PHF24: variants seen among roughly 807,000 people sequenced by gnomAD.
PHF24 encodes the protein Galpha inhibitory interacting protein.
Under a neutral mutation model 42.6 loss-of-function variants are expected in PHF24, and 25 were observed. The observed-to-expected ratio is 0.59, with a 90% CI of 0.43 to 0.82. PHF24 has a LOEUF of 0.82. PHF24 is among the 40% of genes least tolerant of loss of function. PHF24 has a pLI of 0.00. For missense variants in PHF24, 470 were observed against 538.1 expected, an observed-to-expected ratio of 0.87 and a Z score of 1.25; for synonymous variants, 185 against 204.8, an observed-to-expected ratio of 0.90 and a Z score of 0.83.
At chr9:34,735,591 G>T in the PHF24 span, among the ~76,000 whole-genome samples, 2 of 151,152 alleles carry the variant, frequency 1.3e-5, no homozygotes, top group African/African-American at 4.9e-5. Flanking sequence ...ATGAGGTCAG[G>T]AGTTCAAGAC....
At chr9:34,782,987 C>T in the PHF24 span, among the ~76,000 whole-genome samples, 1 of 152,116 alleles carries the variant, frequency 6.6e-6, no homozygotes, top group African/African-American at 2.4e-5. Context: ...ATCTAGGTTG[C>T]GTTTTGTTTC....
chr9:34,686,072 A>T, the PHF24 span, among the ~76,000 whole-genome samples: 1 of 152,338 alleles, frequency 6.6e-6, no homozygotes, highest in South Asian at 2.1e-4. Flanking sequence ...GGTAAGCGTC[A>T]GTGGTGAATT....
chr9:34,849,141 A>G, the PHF24 span, among the ~76,000 whole-genome samples: 4 of 152,098 alleles, frequency 2.6e-5, no homozygotes, highest in African/African-American at 9.7e-5. Context: ...GCTGAGTTCA[A>G]TTCCTGGGTA....
At chr9:34,826,720 T>A in the PHF24 span, among the ~76,000 whole-genome samples, 1 of 109,422 alleles carries the variant, frequency 9.1e-6, no homozygotes, top group Admixed American at 9.7e-5. Flanking sequence ...AGAAGAGCTC[T>A]AGAAGGTTGG....
chr9:34,815,203 G>C, the PHF24 span, among the ~76,000 whole-genome samples: 91,777 of 152,110 alleles, frequency 0.6, 28,015 homozygotes, highest in Middle Eastern at 0.65. Context: ...TAGCCTAATT[G>C]GTTGCTTCCG....
the PHF24 span, among the ~76,000 whole-genome samples, chr9:34,861,231 T>G: frequency 2.0e-5 from 3 of 152,164 alleles, no homozygotes; most frequent in Non-Finnish European, 4.4e-5. Flanking sequence ...TTCTGGAGGT[T>G]TCACAGTGCT....
chr9:34,945,568 C>A, the PHF24 span, among the ~76,000 whole-genome samples: 2 of 152,120 alleles, frequency 1.3e-5, no homozygotes, highest in South Asian at 4.2e-4. Flanking sequence ...GAGGTGGGAT[C>A]TTTAAGGGGT....
chr9:34,774,511 C>A, the PHF24 span, among the ~76,000 whole-genome samples: 3 of 152,108 alleles, frequency 2.0e-5, no homozygotes, highest in African/African-American at 7.2e-5. Context: ...GTGGTTTACG[C>A]CTGTAATCCC....
the PHF24 span, among the ~76,000 whole-genome samples, chr9:34,673,311 G>A: frequency 1.0e-4 from 15 of 150,040 alleles, no homozygotes; most frequent in East Asian, 3.1e-3. Context: ...CCGAGATCGT[G>A]CCACTGCACT....
the PHF24 span, chr9:34,726,718 T>C: frequency 6.4e-7 from 1 of 1,551,686 alleles, no homozygotes; most frequent in Non-Finnish European, 8.7e-7. Context: ...GATCTGTTAA[T>C]TGTGACAGTG....
At chr9:34,832,502 CTCTG>C in the PHF24 span, 3 of 1,512,574 alleles carry the variant, frequency 2.0e-6, no homozygotes, top group African/African-American at 4.2e-5. Context: ...CTGTCGGCTT[CTCTG>C]TCTTACTTCT....
At chr9:34,821,816 CT>C in the PHF24 span, among the ~76,000 whole-genome samples, 3 of 152,166 alleles carry the variant, frequency 2.0e-5, no homozygotes. Flanking sequence ...TGATTCCCAC[CT>C]TATGGATTTC....
At chr9:34,762,277 C>A in the PHF24 span, among the ~76,000 whole-genome samples, 1 of 147,446 alleles carries the variant, frequency 6.8e-6, no homozygotes, top group African/African-American at 2.5e-5. Flanking sequence ...ACCACACTGA[C>A]TTCCACAATG....
At chr9:34,874,714 A>G in the PHF24 span, among the ~76,000 whole-genome samples, 1 of 152,328 alleles carries the variant, frequency 6.6e-6, no homozygotes, top group Non-Finnish European at 1.5e-5. Flanking sequence ...AGCCTCTCAC[A>G]TAGCACAGGG....
chr9:34,692,948 G>A, the PHF24 span, among the ~76,000 whole-genome samples: 5 of 151,978 alleles, frequency 3.3e-5, no homozygotes, highest in East Asian at 7.8e-4. Context: ...CATCATGCCC[G>A]GCTAAATTTG....
chr9:34,785,049 A>C, the PHF24 span, among the ~76,000 whole-genome samples: 1 of 152,254 alleles, frequency 6.6e-6, no homozygotes, highest in Non-Finnish European at 1.5e-5. Flanking sequence ...TTCCTGTAAC[A>C]AGATGCCACA....
At chr9:34,972,608 G>T in intron 3 of PHF24, 77 bp downstream of exon 3, 1 of 1,409,764 alleles carries the variant, frequency 7.1e-7, no homozygotes, top group African/African-American at 1.4e-5. Flanking sequence ...TTGATTTTAG[G>T]CAGTGACCTA....
At chr9:34,957,459 G>A (rs767732522), upstream of PHF24, 3 of 152,184 alleles carry the variant, frequency 2.0e-5, no homozygotes, top group Non-Finnish European at 4.4e-5. Context: ...AAAGCATGTA[G>A]TTTGGTGTAA....
At chr9:34,723,224 G>C in the PHF24 span, 1 of 1,550,246 alleles carries the variant, frequency 6.5e-7, no homozygotes, top group African/African-American at 1.4e-5. Context: ...TGAGGTGAGG[G>C]TCAGGAGCTA....
Sources: gnomAD v4.1 joint callset for allele counts (sites outside exome capture counted in the v4.1 genomes callset) on GRCh38, gnomAD v4.1.1 for gene constraint, MANE v1.5 for transcripts, NCBI Gene and HGNC (gene_info 2026-07-23, HGNC 2026-07-21) for gene names.